The following CHRNG variants were observed in gnomAD, a reference collection of about 807,000 sequenced individuals.
CHRNG encodes the protein acetylcholine receptor subunit gamma.
A neutral mutation model predicts 65.2 loss-of-function variants in CHRNG; 72 were observed. The ratio of observed to expected loss-of-function variants is 1.10; its 90% CI spans 0.91 to 1.34. The LOEUF is 1.34. Ranked by LOEUF, CHRNG falls within the 40% of genes most tolerant of loss-of-function variation. CHRNG has a pLI of 0.00. For missense variants in CHRNG, 637 were observed against 680.1 expected, an observed-to-expected ratio of 0.94 and a Z score of 0.70; for synonymous variants, 284 against 290.2, an observed-to-expected ratio of 0.98 and a Z score of 0.22.
intron 11 of CHRNG, 107 bp downstream of exon 11, chr2:232,545,009 A>G: frequency 6.9e-7 from 1 of 1,449,100 alleles, no homozygotes; most frequent in African/African-American, 1.4e-5. Context: ...GGATGGAAAA[A>G]CATGAGGCCG....
At position 232,540,279 on chromosome 2, in the gene CHRNG, A is replaced by C; in HGVS notation, c.196-102A>C. Reference sequence around the variant, plus strand: ...AAACCCCCATGGTTGTGGGGGGAGTACTATCAAGAGGCTGGGGGATGCTTG... The same window carrying C: ...AAACCCCCATGGTTGTGGGGGGAGTCCTATCAAGAGGCTGGGGGATGCTTG... On this transcript the variant is annotated intron_variant, in intron 2 of 11. Coordinates refer to ENST00000651502, the MANE Select transcript of CHRNG (RefSeq NM_005199.5). This position sits in a 1 kb window ranked among gnomAD's most constrained non-coding sequence, Gnocchi z 4.2. 1.9e-6 allele frequency: 3 copies of C among 1,595,276 alleles called. No individual in the cohort carries two copies. Among genetic ancestry groups the C allele is most frequent in the Non-Finnish European group, 2.6e-6 (3 of 1,163,320 alleles).
chr2:232,542,290 T>G (rs752483876), intron 5 of CHRNG, 133 bp from the exon 6 acceptor site: 7 of 698,464 alleles, frequency 1.0e-5, no homozygotes, highest in Non-Finnish European at 1.8e-5. Context: ...TGGGGTTTTA[T>G]AGAGAACTCA....
chr2:232,544,613 C>A, intron 10 of CHRNG, 33 bp downstream of exon 10: 2 of 1,589,994 alleles, frequency 1.3e-6, no homozygotes, highest in Non-Finnish European at 1.7e-6. Flanking sequence ...GGGGACAGTC[C>A]TCCCCTGGGA....
At chr2:232,545,367 G>T (rs1035110352) in intron 11 of CHRNG, among the ~76,000 whole-genome samples, 176 bp from the exon 12 acceptor site, 68 of 152,066 alleles carry the variant, frequency 4.5e-4, no homozygotes, top group Non-Finnish European at 9.1e-4. Context: ...AGGGGCAGGG[G>T]GGGCACCTCA....
chr2:232,543,998 G>C (rs1463123597), intron 9 of CHRNG, among the ~76,000 whole-genome samples: 1 of 152,234 alleles, frequency 6.6e-6, no homozygotes, highest in Admixed American at 6.5e-5. Flanking sequence ...GCACTACAAA[G>C]TCGAAAAAGC....
Position 232,547,091 on chromosome 2 carries a change from T to C in CHRNG, c.*1375T>C, listed in dbSNP as rs1488145173. Among the ~76,000 whole-genome samples, 2 of 152,074 alleles carry C rather than the reference T, an allele frequency of 1.3e-5. No homozygotes were observed. Among genetic ancestry groups the C allele is most frequent in the Non-Finnish European group, 1.5e-5 (1 of 67,994 alleles). ...TATGCTCCCTGAGGCTGTTCCCTCA[T>C]CTGTAAATAAGGTGCAAAAAATAAT... On this transcript the variant is annotated 3_prime_UTR_variant, in exon 12 of 12. Transcript: ENST00000651502.
Position 232,540,008 on chromosome 2 carries a change from C to T in CHRNG, c.72C>T (p.Asn24=), listed in dbSNP as rs143418126. The T allele has an allele frequency of 8.1e-6, 13 of 1,614,212 alleles. No individual in the cohort carries two copies. The Admixed American group carries it at 2.2e-4, about 27-fold the overall frequency. The stretch of plus-strand genomic sequence containing the variant: ...CTATTGCAGGGGCCCAGGGCCGGAA[C>T]CAGGAGGAGCGCCTGCTCGCAGACC... The part of the protein sequence containing the change: ...LAVCLGAQGR[N]QEERLLADLM... The change falls in exon 2 of 12, where the codon AAC becomes AAT. Residue 24 remains asparagine (N), a synonymous_variant. Transcript: ENST00000651502. The surrounding 1 kb of genome is among the most constrained non-coding windows in gnomAD (Gnocchi z 4.2).
rs1692053023 is a variant in CHRNG, at chr2:232,543,176, G to A, written c.805+94G>A. 1.4e-5 allele frequency: 22 copies of A among 1,524,114 alleles called. No individual in the cohort carries two copies. The Admixed American group carries it at 1.8e-4, about 13-fold the overall frequency. The allele number at this position is 1,524,114 out of a possible 1,614,324, so 94.4% of individuals were successfully genotyped here. A position where few individuals can be genotyped will look rare whatever the true frequency, so the allele number is the denominator to read the frequency against. On this transcript the variant is annotated intron_variant, in intron 7 of 11. Coordinates refer to ENST00000651502, the MANE Select transcript of CHRNG (RefSeq NM_005199.5). ...TGCCTGGGGAACAGAGTGGCATTAC[G>A]ACCCAGGACAGAGGCAGCGGGCTAC...
In CHRNG at chr2:232,540,344, G is replaced by C; in HGVS notation, c.196-37G>C. The C allele has an allele frequency of 6.2e-7, 1 of 1,613,876 alleles. No individual in the cohort carries two copies. The highest frequency in any genetic ancestry group is 8.5e-7 in the Non-Finnish European group (1 of 1,179,820). On this transcript the variant is annotated intron_variant, in intron 2 of 11. Transcript: ENST00000651502. This position sits in a 1 kb window ranked among gnomAD's most constrained non-coding sequence, Gnocchi z 4.2. ...CTGTGGGGACTGGCACTGAAGTCGG[G>C]GGCTGAGCCCTCCATACTACACCCT...
Position 232,546,743 on chromosome 2 carries a change from A to C in CHRNG, c.*1027A>C, listed in dbSNP as rs1692141129. 1.3e-5 allele frequency among the ~76,000 whole-genome samples: 2 copies of C among 152,280 alleles called. No homozygotes were observed. Among genetic ancestry groups the C allele is most frequent in the Non-Finnish European group, 2.9e-5 (2 of 68,032 alleles). Reference sequence around the variant, plus strand: ...TAGAGTAAGCGGGACTCCACACAACAGTGGTGGTTAAACAAGGTTTGAAGT... The same window carrying C: ...TAGAGTAAGCGGGACTCCACACAACCGTGGTGGTTAAACAAGGTTTGAAGT... On this transcript the variant is annotated 3_prime_UTR_variant, in exon 12 of 12. Coordinates refer to ENST00000651502, the MANE Select transcript of CHRNG (RefSeq NM_005199.5).
In CHRNG at chr2:232,543,291, T is replaced by C; in HGVS notation, c.822T>C (p.Cys274=). The C allele has an allele frequency of 6.2e-7, 1 of 1,613,930 alleles. No homozygotes were observed. The highest frequency in any genetic ancestry group is 1.7e-5 in the Admixed American group (1 of 60,020). ...CATGGATAGCTGGGGGCCAGAAGTG[T>C]ACCGTCGCCATCAACGTGCTCCTGG... ...FLPAKAGGQK[C]TVAINVLLAQ... The change falls in exon 8 of 12, where the codon TGT becomes TGC. Residue 274 remains cysteine, a synonymous_variant. Transcript: ENST00000651502.
rs1559305373 is a variant in CHRNG, at chr2:232,544,880, A to G, written c.1358A>G (p.His453Arg). ...EACNLIACAR[H>R]QQSHFDNGNE... is the part of the protein sequence containing the mutation. ...TGCAACCTCATTGCCTGTGCCCGGCACCAGCAGAGTCACTTTGACAATGTA... is the reference window on the plus strand; with the variant it reads ...TGCAACCTCATTGCCTGTGCCCGGCGCCAGCAGAGTCACTTTGACAATGTA... The change falls in exon 11 of 12, where the codon CAC becomes CGC. Residue 453 changes from histidine (H) to arginine (R), a missense_variant. His to Arg is a conservative substitution (Grantham distance 29). Coordinates refer to ENST00000651502, the MANE Select transcript of CHRNG (RefSeq NM_005199.5). 1 of 1,613,986 alleles carries G rather than the reference A, an allele frequency of 6.2e-7. No homozygotes were observed. The highest frequency in any genetic ancestry group is 8.5e-7 in the Non-Finnish European group (1 of 1,180,002).
At position 232,542,973 on chromosome 2, in the gene CHRNG, G is replaced by A. The variant is rs778445156; in HGVS notation, c.696G>A (p.Val232=). The change falls in exon 7 of 12, where the codon GTG becomes GTA. Residue 232 remains valine, a synonymous_variant. Coordinates refer to ENST00000651502, the MANE Select transcript of CHRNG (RefSeq NM_005199.5). ...AGGAAGCAGGCCACCAGAAGGTGGT[G>A]TTCTACCTGCTCATCCAGCGCAAGC... ...PAQEAGHQKV[V]FYLLIQRKPL... is the part of the protein sequence containing the mutation. 9.9e-6 allele frequency: 16 copies of A among 1,614,112 alleles called. No individual in the cohort carries two copies. The highest frequency in any genetic ancestry group is 1.6e-4 in the Middle Eastern group (1 of 6,062).
chr2:232,545,067 C>T (rs558625455), intron 11 of CHRNG, among the ~76,000 whole-genome samples, 165 bp downstream of exon 11: 3 of 152,086 alleles, frequency 2.0e-5, no homozygotes, highest in South Asian at 2.1e-4. Flanking sequence ...GAGGCCGAGG[C>T]GAGTGGATCA....
chr2:232,541,275 C>G lies in CHRNG; in HGVS notation c.351-99C>G. The G allele has an allele frequency of 6.7e-7, 1 of 1,482,926 alleles. No homozygotes were observed. Among genetic ancestry groups the G allele is most frequent in the South Asian group, 1.1e-5 (1 of 88,512 alleles). 91.9% of individuals were successfully genotyped at this position (1,482,926 alleles called of 1,614,324 possible). On this transcript the variant is annotated intron_variant, in intron 4 of 11. Transcript: ENST00000651502. The surrounding 1 kb of genome is among the most constrained non-coding windows in gnomAD (Gnocchi z 4.0). ...GACAGGCTGGTAGGGACTGGTGTCC[C>G]CAGGCCCCTATCCACATGGGGCACA...
At chr2:232,539,893 C>A (rs1038214544) in intron 1 of CHRNG, 91 bp downstream of exon 1, 35 of 1,607,132 alleles carry the variant, frequency 2.2e-5, no homozygotes, top group Admixed American at 2.0e-4. Flanking sequence ...TTGGGGCCTG[C>A]CCTGGACCCA....
At chr2:232,543,113 A>G in intron 7 of CHRNG, 31 bp downstream of exon 7, 3 of 1,606,274 alleles carry the variant, frequency 1.9e-6, no homozygotes, top group Non-Finnish European at 2.6e-6. Context: ...GGAGCCATCC[A>G]GTAGCACAGG....
Position 232,541,152 on chromosome 2 carries a change from A to G in CHRNG, c.351-222A>G, listed in dbSNP as rs192292585. Among the ~76,000 whole-genome samples, 2 of 146,392 alleles carry G rather than the reference A, an allele frequency of 1.4e-5. No individual in the cohort carries two copies. Among genetic ancestry groups the G allele is most frequent in the Admixed American group, 1.4e-4 (2 of 14,628 alleles). On this transcript the variant is annotated intron_variant, in intron 4 of 11. Transcript: ENST00000651502. The surrounding 1 kb of genome is among the most constrained non-coding windows in gnomAD (Gnocchi z 4.0). Reference sequence around the variant, plus strand: ...ACAAGAGAGAGTAAGATAAGCAGAAATTAGGAGGTGGTGCCTGAGGAAGTC... The same window carrying G: ...ACAAGAGAGAGTAAGATAAGCAGAAGTTAGGAGGTGGTGCCTGAGGAAGTC...
At chr2:232,545,363 A>AG (rs1282646409) in intron 11 of CHRNG, among the ~76,000 whole-genome samples, 180 bp from the exon 12 acceptor site, 4 of 92,294 alleles carry the variant, frequency 4.3e-5, no homozygotes, top group African/African-American at 5.9e-5. Flanking sequence ...GAACAGGGGC[A>AG]GGGGGGGCAC....
Sources: allele counts gnomAD v4.1 joint callset (sites outside exome capture counted in the v4.1 genomes callset), GRCh38; gene constraint gnomAD v4.1.1; non-coding constraint Gnocchi (gnomAD v3.1); transcripts MANE v1.5; gene names NCBI Gene and HGNC (gene_info 2026-07-23, HGNC 2026-07-21).